The following KCNC1 variants were observed in gnomAD, a reference collection of about 807,000 sequenced individuals.
KCNC1 encodes potassium voltage-gated channel subfamily C member 1.
A neutral mutation model predicts 43.4 loss-of-function variants in KCNC1; 8 were observed. The observed-to-expected ratio is 0.18, with a 90% confidence interval of 0.11 to 0.33. The LOEUF is 0.33. Among genes scored for constraint, KCNC1 ranks in the 10% least tolerant of loss-of-function variants. KCNC1 has a pLI of 1.00. For synonymous variants in KCNC1, 361 were observed against 360.5 expected (o/e 1.00, Z -0.01); for missense variants, 420 against 836.0 (o/e 0.50, Z 6.14).
intron 1 of KCNC1, among the ~76,000 whole-genome samples, chr11:17,763,484 T>A (rs1449393262): frequency 6.6e-6 from 1 of 151,128 alleles, no homozygotes; most frequent in Admixed American, 6.6e-5. Context: ...CTCACACCCA[T>A]GCACTGCCCC....
Position 17,777,897 on chromosome 11 carries a change from C to T in KCNC1, c.1505-1559C>T, listed in dbSNP as rs75276177. 6,235 of 948,932 alleles carry T rather than the reference C, an allele frequency of 6.6e-3. 297 individuals carry two copies. In the African/African-American group the frequency reaches 0.1, roughly 16 times the overall value. The allele number at this position is 948,932 out of a possible 1,614,324, so 58.8% of individuals were successfully genotyped here. On this transcript the variant is annotated intron_variant, in intron 2 of 3. Transcript: ENST00000265969. This position sits in a 1 kb window ranked among gnomAD's most constrained non-coding sequence, Gnocchi z 4.3. ...TAATCCCACCCACGTGCACGCCCAG[C>T]GTGTGCACGTGGGGAAGGATCACTT... is the stretch of plus-strand genomic sequence containing the variant.
intron 1 of KCNC1, among the ~76,000 whole-genome samples, chr11:17,748,494 G>A (rs1848927932): frequency 6.6e-6 from 1 of 152,182 alleles, no homozygotes; most frequent in East Asian, 1.9e-4. Context: ...CCTACTGGGT[G>A]CAATGTCCAA....
chr11:17,768,087 T>C (rs10444224), intron 1 of KCNC1, among the ~76,000 whole-genome samples: 107,595 of 152,036 alleles, frequency 0.71, 39,080 homozygotes, highest in East Asian at 0.98. Context: ...AGCCTCCCCA[T>C]GCACTAAAGA....
Position 17,777,775 on chromosome 11 carries a change from G to T in KCNC1, c.1505-1681G>T. On this transcript the variant is annotated intron_variant, in intron 2 of 3. Coordinates refer to ENST00000265969, the MANE Select transcript of KCNC1 (RefSeq NM_001112741.2). The surrounding 1 kb of genome is among the most constrained non-coding windows in gnomAD (Gnocchi z 4.3). ...TTTTTTTAAGTTCCAAAATTATGAT[G>T]GGATTTTTTTGGATTTGCTTTACGA... 1 of 986,264 alleles carries T rather than the reference G, an allele frequency of 1.0e-6. No homozygotes were observed. 61.1% of individuals were successfully genotyped at this position (986,264 alleles called of 1,614,324 possible).
At position 17,735,316 on chromosome 11, in the gene KCNC1, G is replaced by C. The variant is rs1477885891; in HGVS notation, c.-687G>C. On this transcript the variant is annotated 5_prime_UTR_variant, in exon 1 of 4. Transcript: ENST00000265969. This position sits in a 1 kb window ranked among gnomAD's most constrained non-coding sequence, Gnocchi z 6.7. Reference sequence around the variant, plus strand: ...GGGCGGGCAGGCGGGCCCGCCGCCGGGGGGAGCAGGCAGCCAAGCAAGGAG... The same window carrying C: ...GGGCGGGCAGGCGGGCCCGCCGCCGCGGGGAGCAGGCAGCCAAGCAAGGAG... 6.6e-6 allele frequency: 1 copy of C among 151,074 alleles called. No individual in the cohort carries two copies. Among genetic ancestry groups the C allele is most frequent in the Non-Finnish European group, 1.5e-5 (1 of 67,474 alleles). The allele number at this position is 151,074 out of a possible 1,614,324, so 9.4% of individuals were successfully genotyped here.
chr11:17,756,739 G>T (rs1590099541), intron 1 of KCNC1, among the ~76,000 whole-genome samples: 1 of 152,246 alleles, frequency 6.6e-6, no homozygotes, highest in East Asian at 1.9e-4. Flanking sequence ...TGGCCCAGTT[G>T]GGGGGCGGGG....
chr11:17,776,633 G>T lies in KCNC1; in HGVS notation c.1505-2823G>T. The T allele has an allele frequency of 1.0e-6, 1 of 985,442 alleles. No homozygotes were observed. Among genetic ancestry groups the T allele is most frequent in the Non-Finnish European group, 1.2e-6 (1 of 829,958 alleles). The allele number at this position is 985,442 out of a possible 1,614,324, so 61.0% of individuals were successfully genotyped here. A position where few individuals can be genotyped will look rare whatever the true frequency, so the allele number is the denominator to read the frequency against. On this transcript the variant is annotated intron_variant, in intron 2 of 3. Coordinates refer to ENST00000265969, the MANE Select transcript of KCNC1 (RefSeq NM_001112741.2). The surrounding 1 kb of genome is among the most constrained non-coding windows in gnomAD (Gnocchi z 4.4). Reference sequence around the variant, plus strand: ...CCATTTCATCACTGCAGGCCTGTGGGTCTAGTGGGGGCCTGGGGGCCCTGG... The same window carrying T: ...CCATTTCATCACTGCAGGCCTGTGGTTCTAGTGGGGGCCTGGGGGCCCTGG...
intron 1 of KCNC1, among the ~76,000 whole-genome samples, chr11:17,768,134 T>G (rs1027625273): frequency 2.0e-5 from 3 of 151,934 alleles, no homozygotes; most frequent in African/African-American, 7.3e-5. Context: ...CTCCCTGGGG[T>G]GCATTTAGAG....
In KCNC1 at chr11:17,777,467, T is replaced by G; in HGVS notation, c.1505-1989T>G. On this transcript the variant is annotated intron_variant, in intron 2 of 3. Transcript: ENST00000265969. This position sits in a 1 kb window ranked among gnomAD's most constrained non-coding sequence, Gnocchi z 4.3. ...TCATCCGCGTCCTCTCCATACTGTTTCCCTCCCCTCTCCCAACACCCTCCT... is the reference window on the plus strand; with the variant it reads ...TCATCCGCGTCCTCTCCATACTGTTGCCCTCCCCTCTCCCAACACCCTCCT... 7.1e-6 allele frequency: 7 copies of G among 985,732 alleles called. No homozygotes were observed. The highest frequency in any genetic ancestry group is 8.4e-6 in the Non-Finnish European group (7 of 829,938). 61.1% of individuals were successfully genotyped at this position (985,732 alleles called of 1,614,324 possible).
chr11:17,768,678 C>G (rs1849186182), intron 1 of KCNC1, among the ~76,000 whole-genome samples: 1 of 151,812 alleles, frequency 6.6e-6, no homozygotes, highest in African/African-American at 2.4e-5. Flanking sequence ...GGAGGTGCCT[C>G]CAGCCTTCAG....
chr11:17,747,652 T>C (rs919911163), intron 1 of KCNC1, among the ~76,000 whole-genome samples: 1 of 152,144 alleles, frequency 6.6e-6, no homozygotes, highest in African/African-American at 2.4e-5. Flanking sequence ...CGAGCTAATA[T>C]TAGCTGGGGC....
At chr11:17,780,065 T>G in intron 3 of KCNC1, 1 of 157,760 alleles carries the variant, frequency 6.3e-6, no homozygotes, top group Non-Finnish European at 1.4e-5. Context: ...CCTGTGAACT[T>G]AGCTACACAA....
chr11:17,736,835 G>A lies in KCNC1; in HGVS notation c.570+263G>A, dbSNP rs1848773649. On this transcript the variant is annotated intron_variant, in intron 1 of 3. Transcript: ENST00000265969. The surrounding 1 kb of genome is among the most constrained non-coding windows in gnomAD (Gnocchi z 9.3). Reference sequence around the variant, plus strand: ...GTTTGTGTGTATGAGTAGATTGTGTGTGCATATTTATGTAAGTGTGGTGGT... The same window carrying A: ...GTTTGTGTGTATGAGTAGATTGTGTATGCATATTTATGTAAGTGTGGTGGT... Among the ~76,000 whole-genome samples, 2 of 152,234 alleles carry A rather than the reference G, an allele frequency of 1.3e-5. No individual in the cohort carries two copies. The highest frequency in any genetic ancestry group is 4.8e-5 in the African/African-American group (2 of 41,460).
Position 17,739,134 on chromosome 11 carries a change from TC to T in KCNC1, c.570+2563del, listed in dbSNP as rs1335614843. Among the ~76,000 whole-genome samples the T allele has an allele frequency of 5.3e-5, 8 of 150,324 alleles. No homozygotes were observed. Among genetic ancestry groups the T allele is most frequent in the Non-Finnish European group, 1.2e-4 (8 of 67,768 alleles). ...CCCCCTCTGTCTTTGCTCTGCCGCC[TC>T]TGCTGTCACCTTTGTTTACCCCTCC... On this transcript the variant is annotated intron_variant, in intron 1 of 3. Transcript: ENST00000265969. The surrounding 1 kb of genome is among the most constrained non-coding windows in gnomAD (Gnocchi z 4.2).
intron 1 of KCNC1, among the ~76,000 whole-genome samples, chr11:17,741,841 A>C (rs1263262406): frequency 1.3e-5 from 2 of 152,070 alleles, no homozygotes; most frequent in East Asian, 1.9e-4. Context: ...TGCCTTCTGG[A>C]GCGCTCTTTC....
intron 1 of KCNC1, among the ~76,000 whole-genome samples, chr11:17,762,712 A>G (rs1165965093): frequency 6.6e-6 from 1 of 152,306 alleles, no homozygotes; most frequent in South Asian, 2.1e-4. Context: ...GAAAATCGCC[A>G]CACTGGAGCC....
intron 1 of KCNC1, among the ~76,000 whole-genome samples, chr11:17,756,749 G>T (rs2133792357): frequency 6.6e-6 from 1 of 152,212 alleles, no homozygotes; most frequent in South Asian, 2.1e-4. Flanking sequence ...GGGGGGCGGG[G>T]GTGTGTGTGT....
At chr11:17,759,465 CTGTT>C (rs1019053173) in intron 1 of KCNC1, among the ~76,000 whole-genome samples, 10 of 152,184 alleles carry the variant, frequency 6.6e-5, no homozygotes, top group Admixed American at 3.9e-4. Context: ...ACTTGGCTGA[CTGTT>C]TGGTGCAAGA....
rs142129730 is a variant in KCNC1 at position 17,776,218 on chromosome 11, TTCTC to T, written c.1505-3229_1505-3226del. On this transcript the variant is annotated intron_variant, in intron 2 of 3. Transcript: ENST00000265969. The surrounding 1 kb of genome is among the most constrained non-coding windows in gnomAD (Gnocchi z 4.4). ...TTCTCTCTCTCTCCACTAATCATGT[TTCTC>T]TCTCTCTCCTCGTTTTGTTGCATGA... 9.1e-6 allele frequency: 9 copies of T among 985,366 alleles called. No homozygotes were observed. The highest frequency in any genetic ancestry group is 1.1e-5 in the Non-Finnish European group (9 of 829,890). 61.0% of individuals were successfully genotyped at this position (985,366 alleles called of 1,614,324 possible).
Sources: gnomAD v4.1 joint callset for allele counts (sites outside exome capture counted in the v4.1 genomes callset) on GRCh38, gnomAD v4.1.1 for gene constraint, Gnocchi (gnomAD v3.1) non-coding constraint, MANE v1.5 for transcripts, NCBI Gene and HGNC (gene_info 2026-07-23, HGNC 2026-07-21) for gene names.